GREM2: variants seen among roughly 807,000 people sequenced by gnomAD.
GREM2 encodes gremlin 2, DAN family BMP antagonist.
In GREM2, 11 loss-of-function variants were observed where a neutral mutation model predicts 14.2. The ratio of observed to expected loss-of-function variants is 0.78; its 90% CI spans 0.49 to 1.28. The LOEUF (loss-of-function observed/expected upper bound fraction) is 1.28, where lower values mean the gene tolerates loss of function less well. Among genes scored for constraint, GREM2 ranks in the 50% most tolerant of loss-of-function variants. The pLI, the probability that GREM2 is intolerant of heterozygous loss-of-function variation, is 0.00. For missense variants in GREM2, 210 were observed against 218.5 expected (o/e 0.96, Z 0.24); for synonymous variants, 98 against 97.6 (o/e 1.00, Z -0.02).
At chr1:240,566,955 T>C (rs4659982) in intron 1 of GREM2, among the ~76,000 whole-genome samples, 61,804 of 152,006 alleles carry the variant, frequency 0.41, 12,616 homozygotes, top group East Asian at 0.48. Flanking sequence ...GAGCACTACA[T>C]TGAAAAGTCA....
chr1:240,607,331 T>G (rs1345973710), intron 1 of GREM2, among the ~76,000 whole-genome samples: 1 of 152,166 alleles, frequency 6.6e-6, no homozygotes, highest in Non-Finnish European at 1.5e-5. Context: ...GGTTAAATTT[T>G]TTTTTTCATA....
At chr1:240,574,875 G>A (rs915977629) in intron 1 of GREM2, among the ~76,000 whole-genome samples, 5 of 152,162 alleles carry the variant, frequency 3.3e-5, no homozygotes, top group Non-Finnish European at 5.9e-5. Context: ...TTGGGAGGCC[G>A]AGGCAGGCGG....
intron 1 of GREM2, chr1:240,549,814 A>T (rs2103336723): frequency 6.6e-6 from 1 of 152,540 alleles, no homozygotes; most frequent in Non-Finnish European, 1.5e-5. Context: ...CAGGAGTGGA[A>T]TCACCTAGAA....
intron 1 of GREM2, chr1:240,550,323 G>C (rs914236081): frequency 3.3e-5 from 5 of 152,212 alleles, no homozygotes; most frequent in African/African-American, 1.2e-4. Context: ...CGCCCAGCCA[G>C]GGGCACTGAT....
chr1:240,508,183 C>T (rs1401853787), intron 1 of GREM2, among the ~76,000 whole-genome samples: 1 of 152,128 alleles, frequency 6.6e-6, no homozygotes, highest in Non-Finnish European at 1.5e-5. Flanking sequence ...GTTTTGTTCA[C>T]CACTGTATCT....
At chr1:240,581,181 T>A (rs1325610909) in intron 1 of GREM2, among the ~76,000 whole-genome samples, 3 of 148,994 alleles carry the variant, frequency 2.0e-5, no homozygotes, top group African/African-American at 7.5e-5. Context: ...ATGGGTGAGG[T>A]GGAGGTTGCA....
intron 1 of GREM2, among the ~76,000 whole-genome samples, chr1:240,607,515 A>G (rs544461392): frequency 3.2e-4 from 49 of 152,290 alleles, no homozygotes; most frequent in African/African-American, 1.1e-3. Flanking sequence ...TTAAATACGT[A>G]TGTTTGAAGA....
intron 1 of GREM2, among the ~76,000 whole-genome samples, chr1:240,503,662 G>C (rs1677617877): frequency 6.6e-6 from 1 of 152,166 alleles, no homozygotes. Context: ...ATGCAAGGCT[G>C]CTTTCCACTC....
At chr1:240,536,204 T>C (rs1453228199) in intron 1 of GREM2, among the ~76,000 whole-genome samples, 3 of 152,228 alleles carry the variant, frequency 2.0e-5, no homozygotes, top group African/African-American at 7.2e-5. Context: ...ATTCACTTAC[T>C]TATTTGGATG....
intron 1 of GREM2, among the ~76,000 whole-genome samples, chr1:240,586,516 C>A (rs1679602193): frequency 6.6e-6 from 1 of 152,152 alleles, no homozygotes. Context: ...CAGGACTAAG[C>A]TTATTAGCAG....
intron 1 of GREM2, among the ~76,000 whole-genome samples, chr1:240,510,344 T>C (rs1331925587): frequency 8.8e-6 from 1 of 113,362 alleles, no homozygotes; most frequent in Non-Finnish European, 1.6e-5. Context: ...CACTCCAGCC[T>C]GGGCGACAGA....
intron 1 of GREM2, among the ~76,000 whole-genome samples, chr1:240,536,132 A>G (rs1250726803): frequency 1.3e-5 from 2 of 152,200 alleles, no homozygotes; most frequent in African/African-American, 4.8e-5. Flanking sequence ...TGATTAAGAA[A>G]AAAAGCCCTC....
At chr1:240,533,146 G>A (rs1007046327) in intron 1 of GREM2, among the ~76,000 whole-genome samples, 1 of 152,228 alleles carries the variant, frequency 6.6e-6, no homozygotes, top group Non-Finnish European at 1.5e-5. Context: ...AGGTATGCCT[G>A]AGGTGTGAAG....
At chr1:240,566,203 T>C (rs1679175268) in intron 1 of GREM2, among the ~76,000 whole-genome samples, 1 of 152,154 alleles carries the variant, frequency 6.6e-6, no homozygotes, top group Admixed American at 6.6e-5. Context: ...ACAAATTAAA[T>C]TGAGGACTTC....
intron 1 of GREM2, among the ~76,000 whole-genome samples, chr1:240,527,062 T>C (rs913317096): frequency 6.6e-6 from 1 of 152,172 alleles, no homozygotes; most frequent in Non-Finnish European, 1.5e-5. Context: ...AAAGAGCTCA[T>C]GAGCAGGAAA....
intron 1 of GREM2, among the ~76,000 whole-genome samples, chr1:240,562,393 G>T (rs922199137): frequency 6.6e-6 from 1 of 152,036 alleles, no homozygotes; most frequent in Non-Finnish European, 1.5e-5. Flanking sequence ...AAACTGACAG[G>T]GTCACTTGTG....
chr1:240,554,460 T>C (rs958461018), intron 1 of GREM2, among the ~76,000 whole-genome samples: 1 of 151,842 alleles, frequency 6.6e-6, no homozygotes, highest in African/African-American at 2.4e-5. Context: ...CAAATAGTCC[T>C]AGAAATAATA....
At chr1:240,604,760 C>T (rs1055750341) in intron 1 of GREM2, among the ~76,000 whole-genome samples, 5 of 152,182 alleles carry the variant, frequency 3.3e-5, no homozygotes, top group Admixed American at 6.5e-5. Context: ...GAGTTCGGGA[C>T]CAGCTTGGCA....
At chr1:240,587,519 G>T (rs1313362091) in intron 1 of GREM2, among the ~76,000 whole-genome samples, 1 of 151,730 alleles carries the variant, frequency 6.6e-6, no homozygotes, top group Non-Finnish European at 1.5e-5. Context: ...ACAGAATTTT[G>T]CCATGTTGCC....
Sources: gnomAD v4.1 joint callset for allele counts (sites outside exome capture counted in the v4.1 genomes callset) on GRCh38, gnomAD v4.1.1 for gene constraint, MANE v1.5 for transcripts, NCBI Gene and HGNC (gene_info 2026-07-23, HGNC 2026-07-21) for gene names.